Variants in MTMR7 observed in about 807,000 individuals in gnomAD.
The protein encoded by MTMR7 is phosphatidylinositol-3-phosphate phosphatase MTMR7.
In MTMR7, 76 loss-of-function variants were observed where a neutral mutation model predicts 81.2. The ratio of observed to expected loss-of-function variants is 0.94; its 90% CI spans 0.78 to 1.13. MTMR7 has a LOEUF of 1.13. Among genes scored for constraint, MTMR7 ranks in the 50% most tolerant of loss-of-function variants. The pLI, the probability that MTMR7 is intolerant of heterozygous loss-of-function variation, is 0.00. For synonymous variants in MTMR7, 372 were observed against 289.8 expected (o/e 1.28, Z -2.88); for missense variants, 1,044 against 820.0 (o/e 1.27, Z -3.34).
rs186463815 is a variant in MTMR7 at position 17,377,167 on chromosome 8, C to A, written c.25-3927G>T. On this transcript the variant is annotated intron_variant, in intron 1 of 13. Coordinates refer to ENST00000180173, the MANE Select transcript of MTMR7 (RefSeq NM_004686.5). The stretch of plus-strand genomic sequence containing the variant: ...ATGATTACATCAATTAATCAGGAAG[C>A]TTTCAACATACAAAGTATTTATTAG... Among the ~76,000 whole-genome samples, 824 of 152,174 alleles carry A rather than the reference C, an allele frequency of 5.4e-3. 5 individuals are homozygous for A. Among genetic ancestry groups the A allele is most frequent in the Non-Finnish European group, 8.9e-3 (605 of 67,946 alleles).
chr8:17,320,778 G>A (rs529519799), intron 7 of MTMR7, among the ~76,000 whole-genome samples: 105 of 152,274 alleles, frequency 6.9e-4, no homozygotes, highest in African/African-American at 2.4e-3. Context: ...GCCTATGCAC[G>A]CGGCCCTGAA....
chr8:17,379,733 C>A (rs73208996), intron 1 of MTMR7, among the ~76,000 whole-genome samples: 1 of 152,046 alleles, frequency 6.6e-6, no homozygotes, highest in Admixed American at 6.6e-5. Context: ...CACTGTTAGT[C>A]TTTTGGGAAA....
Position 17,373,190 on chromosome 8 carries a change from T to C in MTMR7, c.75A>G (p.Leu25=). 1.2e-6 allele frequency: 2 copies of C among 1,613,838 alleles called. No individual in the cohort carries two copies. The highest frequency in any genetic ancestry group is 1.7e-6 in the Non-Finnish European group (2 of 1,179,804). ...GGGTAGCCGTCAAATACAAAGTACC[T>C]AGAGCTGCTTTTTTAGGAGACACTC... The part of the protein sequence containing the change: ...VDRVSPKKAA[L]GTLYLTATHV... The change falls in exon 2 of 14, where the codon CTA becomes CTG. Residue 25 remains leucine, a synonymous_variant. Transcript: ENST00000180173.
At chr8:17,405,390 C>G (rs1367143141) in intron 1 of MTMR7, among the ~76,000 whole-genome samples, 1 of 152,266 alleles carries the variant, frequency 6.6e-6, no homozygotes, top group East Asian at 1.9e-4. Flanking sequence ...TCTCCACGCT[C>G]CCCCTCCCAA....
chr8:17,370,546 A>G (rs1404695465), intron 3 of MTMR7, among the ~76,000 whole-genome samples: 15 of 136,606 alleles, frequency 1.1e-4, no homozygotes, highest in African/African-American at 3.9e-4. Context: ...ACGGAGAAAA[A>G]GTGCCTCAAA....
intron 2 of MTMR7, 78 bp from the exon 3 acceptor site, chr8:17,371,277 C>A: frequency 6.7e-7 from 1 of 1,492,700 alleles, no homozygotes; most frequent in East Asian, 2.3e-5. Flanking sequence ...TTCTTTGTGG[C>A]TCAAAGAAAG....
At chr8:17,307,115 G>T (rs1326863549) in intron 10 of MTMR7, among the ~76,000 whole-genome samples, 2 of 151,898 alleles carry the variant, frequency 1.3e-5, no homozygotes, top group African/African-American at 4.8e-5. Context: ...CTACAAAATG[G>T]GAGAAAATTT....
chr8:17,325,620 C>T (rs1304500656), intron 7 of MTMR7, among the ~76,000 whole-genome samples: 4 of 152,226 alleles, frequency 2.6e-5, no homozygotes, highest in Non-Finnish European at 4.4e-5. Context: ...TCTGGGCTCA[C>T]TTCCCCTGCT....
intron 4 of MTMR7, 49 bp downstream of exon 4, chr8:17,361,068 T>C (rs776119498): frequency 6.9e-5 from 111 of 1,603,582 alleles, no homozygotes; most frequent in Non-Finnish European, 1.7e-6. Flanking sequence ...CTAAGCTGGC[T>C]GAAACCCTAA....
chr8:17,322,024 AGTC>A (rs1266154810), intron 7 of MTMR7, among the ~76,000 whole-genome samples: 1 of 150,038 alleles, frequency 6.7e-6, no homozygotes, highest in African/African-American at 2.5e-5. Context: ...GTGCAGAAAA[AGTC>A]TCCATTTGAA....
At chr8:17,367,923 G>A (rs111665370) in intron 3 of MTMR7, among the ~76,000 whole-genome samples, 4 of 146,442 alleles carry the variant, frequency 2.7e-5, no homozygotes, top group African/African-American at 1.0e-4. Flanking sequence ...ATTAAATTAC[G>A]ACAGCTTTGA....
chr8:17,372,598 T>A (rs1039428375), intron 2 of MTMR7, among the ~76,000 whole-genome samples: 48 of 151,860 alleles, frequency 3.2e-4, no homozygotes, highest in African/African-American at 1.1e-3. Context: ...AAAAATAATA[T>A]TAATAATAAT....
chr8:17,313,215 A>G lies in MTMR7; in HGVS notation c.975+77T>C, dbSNP rs183480687. On this transcript the variant is annotated intron_variant, in intron 8 of 13. Transcript: ENST00000180173. ...AGTGCAGCTTAAGACAGGGAAGCCC[A>G]TGGCAGAGGGATACCCATTTTGAAG... 3 of 1,056,320 alleles carry G rather than the reference A, an allele frequency of 2.8e-6. No individual in the cohort carries two copies. In the East Asian group the frequency reaches 7.2e-5, roughly 25 times the overall value. 65.4% of individuals were successfully genotyped at this position (1,056,320 alleles called of 1,614,324 possible).
intron 1 of MTMR7, among the ~76,000 whole-genome samples, chr8:17,408,395 C>CAAAAAAAAAAAAAAAAAAA (rs530240881): frequency 1.3e-4 from 3 of 23,510 alleles, no homozygotes; most frequent in African/African-American, 2.8e-4. Flanking sequence ...GACTCCGTCT[C>CAAAAAAAAAAAAAAAAAAA]AAAAAAAAAA....
chr8:17,387,844 A>G (rs1417070735), intron 1 of MTMR7, among the ~76,000 whole-genome samples: 2 of 152,022 alleles, frequency 1.3e-5, no homozygotes, highest in Non-Finnish European at 2.9e-5. Flanking sequence ...AGGTCAAGGT[A>G]AAAAAAATTC....
intron 1 of MTMR7, among the ~76,000 whole-genome samples, chr8:17,404,083 G>A (rs950689008): frequency 6.6e-6 from 1 of 152,116 alleles, no homozygotes; most frequent in Non-Finnish European, 1.5e-5. Flanking sequence ...CACGAAAGAA[G>A]TCCAAGCTCC....
intron 12 of MTMR7, 73 bp downstream of exon 12, chr8:17,304,306 G>A: frequency 1.3e-6 from 2 of 1,531,962 alleles, no homozygotes; most frequent in South Asian, 1.2e-5. Flanking sequence ...CATACACTTT[G>A]ACCTCTGAAT....
At chr8:17,314,048 C>A (rs141584701) in intron 7 of MTMR7, among the ~76,000 whole-genome samples, 3 of 152,266 alleles carry the variant, frequency 2.0e-5, no homozygotes, top group African/African-American at 7.2e-5. Context: ...CCAGTGGTAT[C>A]TATATTTACA....
intron 4 of MTMR7, among the ~76,000 whole-genome samples, chr8:17,353,652 T>C (rs1819800142): frequency 6.6e-6 from 1 of 152,200 alleles, no homozygotes. Flanking sequence ...TCAGAGAGAA[T>C]ATGAGAAGTT....
Sources: gnomAD v4.1 joint callset for allele counts (sites outside exome capture counted in the v4.1 genomes callset) on GRCh38, gnomAD v4.1.1 for gene constraint, MANE v1.5 for transcripts, NCBI Gene and HGNC (gene_info 2026-07-23, HGNC 2026-07-21) for gene names.